LSAMP: variants seen among roughly 807,000 people sequenced by gnomAD.
The protein encoded by LSAMP is limbic system associated membrane protein.
In LSAMP, 7 loss-of-function variants were observed where a neutral mutation model predicts 38.6. That is an observed-to-expected ratio of 0.18 (90% CI 0.10 to 0.34). The LOEUF (loss-of-function observed/expected upper bound fraction) is 0.34. Ranked by LOEUF, LSAMP falls within the 10% of genes least tolerant of loss-of-function variation. The pLI is 1.00. For missense variants in LSAMP, 313 were observed against 420.0 expected, an observed-to-expected ratio of 0.75 and a Z score of 2.23; for synonymous variants, 154 against 166.8, an observed-to-expected ratio of 0.92 and a Z score of 0.59.
chr3:116,068,295 T>C (rs1370418024), intron 2 of LSAMP, among the ~76,000 whole-genome samples: 1 of 152,198 alleles, frequency 6.6e-6, no homozygotes, highest in East Asian at 1.9e-4. Flanking sequence ...ATTTTAAATG[T>C]GCTATAAATC....
In LSAMP at chr3:115,845,681, C is replaced by T. The variant is rs569873140; in HGVS notation, c.650-3103G>A. ...GCCATGCATGACTGGGGAGGTAAGT[C>T]GGCCACACTAAGCTACTATCTCTAG... On this transcript the variant is annotated intron_variant, in intron 4 of 6. Transcript: ENST00000490035. Among the ~76,000 whole-genome samples the T allele has an allele frequency of 1.3e-4, 20 of 152,260 alleles. No homozygotes were observed. In the East Asian group the frequency reaches 2.1e-3, roughly 16 times the overall value.
intron 1 of LSAMP, among the ~76,000 whole-genome samples, chr3:116,347,258 G>T (rs1406861751): frequency 2.0e-5 from 3 of 152,126 alleles, no homozygotes. Context: ...CCAACCTTTT[G>T]CTTGTGCATA....
chr3:115,983,967 A>G (rs1245933804), intron 3 of LSAMP, among the ~76,000 whole-genome samples: 1 of 152,222 alleles, frequency 6.6e-6, no homozygotes, highest in Non-Finnish European at 1.5e-5. Flanking sequence ...CTATAGAACA[A>G]TAATTTGACA....
chr3:116,380,175 C>A (rs530303967), intron 1 of LSAMP, among the ~76,000 whole-genome samples: 10 of 152,100 alleles, frequency 6.6e-5, no homozygotes, highest in Non-Finnish European at 1.3e-4. Flanking sequence ...ATAGCATGTA[C>A]CTCTTGGGTT....
intron 1 of LSAMP, among the ~76,000 whole-genome samples, chr3:116,247,414 A>G (rs368101766): frequency 4.6e-5 from 7 of 152,316 alleles, no homozygotes; most frequent in African/African-American, 1.4e-4. Context: ...TAGGATCAAT[A>G]TTATCCTCTA....
At chr3:116,142,422 C>T (rs572432595) in intron 1 of LSAMP, among the ~76,000 whole-genome samples, 3 of 151,948 alleles carry the variant, frequency 2.0e-5, no homozygotes, top group South Asian at 4.1e-4. Context: ...TCTGTTACTC[C>T]TAACTAAGTG....
Position 116,269,762 on chromosome 3 carries a change from C to T in LSAMP, c.155+175115G>A, listed in dbSNP as rs550304804. On this transcript the variant is annotated intron_variant, in intron 1 of 6. Transcript: ENST00000490035. ...TATATGTGATCACCTTACTGAAAGG[C>T]ACATGGTTCTTTGTTTGATCAATTG... Among the ~76,000 whole-genome samples, 147 of 152,236 alleles carry T rather than the reference C, an allele frequency of 9.7e-4. 1 individual carries two copies. Among genetic ancestry groups the T allele is most frequent in the African/African-American group, 3.3e-3 (137 of 41,562 alleles).
At chr3:115,827,684 G>A (rs772070237) in intron 6 of LSAMP, among the ~76,000 whole-genome samples, 2 of 152,164 alleles carry the variant, frequency 1.3e-5, no homozygotes, top group Non-Finnish European at 2.9e-5. Context: ...CATGATAAAT[G>A]ACTTGTAAGG....
At chr3:115,872,616 G>C (rs1485891174) in intron 3 of LSAMP, among the ~76,000 whole-genome samples, 1 of 151,974 alleles carries the variant, frequency 6.6e-6, no homozygotes, top group Non-Finnish European at 1.5e-5. Context: ...GTGTTTAAAT[G>C]GTATGCAGAA....
intron 1 of LSAMP, among the ~76,000 whole-genome samples, chr3:116,375,965 A>G (rs75812070): frequency 0.014 from 2,126 of 152,026 alleles, 28 homozygotes; most frequent in Non-Finnish European, 0.024. Flanking sequence ...GCATAATTTT[A>G]CTCTGTATAT....
At chr3:115,910,556 C>T (rs1302302058) in intron 3 of LSAMP, among the ~76,000 whole-genome samples, 1 of 152,138 alleles carries the variant, frequency 6.6e-6, no homozygotes, top group Non-Finnish European at 1.5e-5. Flanking sequence ...TACCTAGTTT[C>T]TCCCAACGTT....
chr3:116,403,132 C>T (rs1042347173), intron 1 of LSAMP, among the ~76,000 whole-genome samples: 20 of 152,150 alleles, frequency 1.3e-4, no homozygotes, highest in African/African-American at 7.2e-5. Flanking sequence ...TAATTGATTG[C>T]CCAAAGTGGA....
At chr3:116,232,914 A>C (rs912711882) in intron 1 of LSAMP, among the ~76,000 whole-genome samples, 1 of 151,792 alleles carries the variant, frequency 6.6e-6, no homozygotes, top group Non-Finnish European at 1.5e-5. Flanking sequence ...TTCTTTGGCC[A>C]TTTTAGTAAG....
rs938492067 is a variant in LSAMP, at chr3:116,133,491, T to C, written c.156-46935A>G. Among the ~76,000 whole-genome samples the C allele has an allele frequency of 2.6e-5, 4 of 152,004 alleles. No homozygotes were observed. In the East Asian group the frequency reaches 7.7e-4, roughly 29 times the overall value. On this transcript the variant is annotated intron_variant, in intron 1 of 6. Coordinates refer to ENST00000490035, the MANE Select transcript of LSAMP (RefSeq NM_002338.5). ...AATTTAATATATATACATATATTTT[T>C]TGGTAGAAATGGAGTCTCCCTATGT...
At chr3:116,163,032 CAAAATGAAAATAATTTTA>C (rs553985689) in intron 1 of LSAMP, among the ~76,000 whole-genome samples, 175 of 151,816 alleles carry the variant, frequency 1.2e-3, no homozygotes, top group African/African-American at 4.1e-3. Flanking sequence ...GGGGCAACAG[CAAAATGAAAATAATTTTA>C]AAAATGAAGA....
At chr3:115,870,327 T>G (rs1935996176) in intron 3 of LSAMP, among the ~76,000 whole-genome samples, 1 of 152,194 alleles carries the variant, frequency 6.6e-6, no homozygotes, top group Non-Finnish European at 1.5e-5. Flanking sequence ...GCTTCCCATT[T>G]TTTTAAGTTG....
intron 3 of LSAMP, among the ~76,000 whole-genome samples, chr3:115,956,197 G>A (rs1938449018): frequency 6.6e-6 from 1 of 151,644 alleles, no homozygotes. Flanking sequence ...TCTGACCAGA[G>A]ACGAAGACTT....
chr3:116,225,848 A>G (rs1400316601), intron 1 of LSAMP, among the ~76,000 whole-genome samples: 2 of 152,076 alleles, frequency 1.3e-5, no homozygotes, highest in African/African-American at 4.8e-5. Flanking sequence ...TTCTTTAACT[A>G]AAATAACAAT....
At chr3:115,839,656 G>T (rs987967363) in intron 6 of LSAMP, among the ~76,000 whole-genome samples, 3 of 152,110 alleles carry the variant, frequency 2.0e-5, no homozygotes, top group Non-Finnish European at 4.4e-5. Flanking sequence ...TCCCATAAAA[G>T]TGGGACATCT....
Sources: gnomAD v4.1 joint callset for allele counts (sites outside exome capture counted in the v4.1 genomes callset) on GRCh38, gnomAD v4.1.1 for gene constraint, MANE v1.5 for transcripts, NCBI Gene and HGNC (gene_info 2026-07-23, HGNC 2026-07-21) for gene names.